Variants in ITGBL1 observed in about 807,000 individuals in gnomAD.
The protein encoded by ITGBL1 is integrin beta-like protein 1.
A neutral mutation model predicts 68.5 loss-of-function variants in ITGBL1; 51 were observed. The observed-to-expected ratio is 0.74, with a 90% CI of 0.59 to 0.94. The LOEUF (loss-of-function observed/expected upper bound fraction) is 0.94, where lower values mean the gene tolerates loss of function less well. Among genes scored for constraint, ITGBL1 ranks in the 40% least tolerant of loss-of-function variants. ITGBL1 has a pLI of 0.00. For missense variants in ITGBL1, 649 were observed against 647.4 expected, an observed-to-expected ratio of 1.00 and a Z score of -0.03; for synonymous variants, 209 against 227.3, an observed-to-expected ratio of 0.92 and a Z score of 0.72.
At chr13:101,466,861 G>C (rs1189620359) in intron 2 of ITGBL1, among the ~76,000 whole-genome samples, 1 of 152,162 alleles carries the variant, frequency 6.6e-6, no homozygotes. Flanking sequence ...TTTAGAATTT[G>C]TTGCAGGGTA....
chr13:101,616,070 C>T (rs997236864), intron 7 of ITGBL1, among the ~76,000 whole-genome samples: 10 of 151,978 alleles, frequency 6.6e-5, no homozygotes, highest in Admixed American at 2.0e-4. Flanking sequence ...TTAGATACAG[C>T]GTAAAAAAGA....
chr13:101,454,131 G>A (rs377257980), intron 2 of ITGBL1, 31 bp downstream of exon 2: 2 of 1,474,084 alleles, frequency 1.4e-6, no homozygotes, highest in Non-Finnish European at 9.1e-7. Context: ...CCTCCCTCGG[G>A]AGGTCGAAAC....
At chr13:101,629,383 C>A (rs2031900247) in intron 7 of ITGBL1, among the ~76,000 whole-genome samples, 1 of 152,016 alleles carries the variant, frequency 6.6e-6, no homozygotes, top group Non-Finnish European at 1.5e-5. Context: ...TTTGTGTCTT[C>A]TTTCAATTAT....
intron 2 of ITGBL1, among the ~76,000 whole-genome samples, chr13:101,507,667 A>G (rs1042193223): frequency 2.6e-5 from 4 of 152,082 alleles, no homozygotes; most frequent in Non-Finnish European, 5.9e-5. Flanking sequence ...GGCAAAATGG[A>G]TATATTGAGG....
intron 7 of ITGBL1, among the ~76,000 whole-genome samples, chr13:101,632,004 C>T (rs887818073): frequency 2.0e-5 from 3 of 151,386 alleles, no homozygotes; most frequent in East Asian, 1.9e-4. Flanking sequence ...GATTTATATA[C>T]GGTACACAAA....
At chr13:101,501,791 G>A (rs567724511) in intron 2 of ITGBL1, among the ~76,000 whole-genome samples, 3 of 152,124 alleles carry the variant, frequency 2.0e-5, no homozygotes, top group Admixed American at 6.5e-5. Flanking sequence ...CATCTCCAAG[G>A]TCTGTCCTAA....
In ITGBL1 at chr13:101,575,487, A is replaced by C; in HGVS notation, c.527A>C (p.Lys176Thr). 6.2e-7 allele frequency: 1 copy of C among 1,612,860 alleles called. No homozygotes were observed. The part of the protein sequence containing the change: ...NSDGSGLVYG[K>T]FCECDDRECI... Reference sequence around the variant, plus strand: ...GATGGAAGTGGACTTGTGTATGGTAAATTTTGTGAGTGTGACGATAGAGAA... The same window carrying C: ...GATGGAAGTGGACTTGTGTATGGTACATTTTGTGAGTGTGACGATAGAGAA... Residue 176 changes from lysine to threonine, a missense_variant, in exon 4 of 11, where the codon AAA (lysine) becomes ACA (threonine). Coordinates refer to ENST00000376180, the MANE Select transcript of ITGBL1 (RefSeq NM_004791.3).
intron 7 of ITGBL1, among the ~76,000 whole-genome samples, chr13:101,632,149 C>CCA (rs1555363371): frequency 1.4e-5 from 2 of 141,530 alleles, no homozygotes; most frequent in African/African-American, 5.6e-5. Flanking sequence ...CTCTCTCTCT[C>CCA]TATATATATA....
chr13:101,491,646 T>G (rs1003752649), intron 2 of ITGBL1, among the ~76,000 whole-genome samples: 10 of 152,174 alleles, frequency 6.6e-5, no homozygotes, highest in Non-Finnish European at 1.5e-4. Context: ...TAAATTATAC[T>G]TTAAGTGCTG....
chr13:101,454,223 A>G (rs2048208007), intron 2 of ITGBL1, 123 bp downstream of exon 2: 1 of 536,282 alleles, frequency 1.9e-6, no homozygotes, highest in Non-Finnish European at 2.9e-6. Context: ...CAATTAAGTT[A>G]CTGCGATTGT....
rs1448966775 is a variant in ITGBL1 at position 101,605,051 on chromosome 13, T to C, written c.1015+6752T>C. On this transcript the variant is annotated intron_variant, in intron 7 of 10. Coordinates refer to ENST00000376180, the MANE Select transcript of ITGBL1 (RefSeq NM_004791.3). ...GTATATATACATATACGCATATATG[T>C]GTATATGTGTATATGTGTATATACA... Among the ~76,000 whole-genome samples, 22 of 120,174 alleles carry C rather than the reference T, an allele frequency of 1.8e-4. 1 individual carries two copies. Among genetic ancestry groups the C allele is most frequent in the African/African-American group, 4.2e-4 (11 of 26,284 alleles). The allele number at this position is 120,174 out of a possible 152,430, so 78.8% of individuals were successfully genotyped here. A position where few individuals can be genotyped will look rare whatever the true frequency, so the allele number is the denominator to read the frequency against.
intron 2 of ITGBL1, among the ~76,000 whole-genome samples, chr13:101,477,073 G>C (rs922512073): frequency 3.9e-5 from 6 of 152,028 alleles, no homozygotes; most frequent in African/African-American, 1.4e-4. Context: ...TCATTCTCAA[G>C]GGTAGACTAT....
intron 7 of ITGBL1, among the ~76,000 whole-genome samples, chr13:101,692,173 G>A (rs188774012): frequency 1.2e-3 from 176 of 152,028 alleles, no homozygotes; most frequent in Non-Finnish European, 2.0e-3. Context: ...TCATGGAGCA[G>A]ATAGACCCAA....
At chr13:101,542,249 A>T (rs934007216) in intron 2 of ITGBL1, among the ~76,000 whole-genome samples, 34 of 152,048 alleles carry the variant, frequency 2.2e-4, no homozygotes, top group Non-Finnish European at 4.4e-4. Flanking sequence ...GATTCTGGTA[A>T]GTTGTGTCTT....
At chr13:101,565,220 AATGGAGATTACCTTGCCACAATAAT>A (rs1020202054) in intron 2 of ITGBL1, among the ~76,000 whole-genome samples, 1 of 152,118 alleles carries the variant, frequency 6.6e-6, no homozygotes, top group Non-Finnish European at 1.5e-5. Context: ...TTGACACTGT[AATGGAGATTACCTTGCCACAATAAT>A]ATAGCAACCT....
intron 7 of ITGBL1, among the ~76,000 whole-genome samples, chr13:101,678,086 C>T (rs1443040755): frequency 6.6e-6 from 1 of 152,090 alleles, no homozygotes; most frequent in African/African-American, 2.4e-5. Context: ...TAATTTCAAA[C>T]TTAGAAGACT....
chr13:101,671,426 G>GGTTTT (rs1555365689), intron 7 of ITGBL1, among the ~76,000 whole-genome samples: 1 of 112,640 alleles, frequency 8.9e-6, no homozygotes, highest in East Asian at 3.5e-4. Context: ...GTATACCTTT[G>GGTTTT]TTTTTTTTTT....
intron 2 of ITGBL1, among the ~76,000 whole-genome samples, chr13:101,506,127 C>T (rs1302785669): frequency 6.6e-6 from 1 of 152,098 alleles, no homozygotes; most frequent in Non-Finnish European, 1.5e-5. Flanking sequence ...GTGGAACTAA[C>T]CTAAGGACAT....
chr13:101,481,918 C>T (rs192862187), intron 2 of ITGBL1, among the ~76,000 whole-genome samples: 22 of 152,084 alleles, frequency 1.4e-4, no homozygotes, highest in African/African-American at 4.1e-4. Flanking sequence ...AAATATTTAT[C>T]GTACCTGGGA....
Sources: gnomAD v4.1 joint callset for allele counts (sites outside exome capture counted in the v4.1 genomes callset) on GRCh38, gnomAD v4.1.1 for gene constraint, MANE v1.5 for transcripts, NCBI Gene and HGNC (gene_info 2026-07-23, HGNC 2026-07-21) for gene names.